Variants in TOM1L2 observed in about 807,000 individuals in gnomAD.
TOM1L2 encodes the protein target of myb1 like 2 membrane trafficking protein.
TOM1L2 carries 31 observed loss-of-function variants against 67.9 expected under a neutral mutation model. The observed-to-expected ratio is 0.46, with a 90% CI of 0.34 to 0.62. TOM1L2 has a LOEUF of 0.62. Among genes scored for constraint, TOM1L2 ranks in the 20% least tolerant of loss-of-function variants. The pLI is 0.01. For missense variants in TOM1L2, 606 were observed against 663.5 expected, an observed-to-expected ratio of 0.91 and a Z score of 0.95; for synonymous variants, 256 against 254.0, an observed-to-expected ratio of 1.01 and a Z score of -0.07.
intron 1 of TOM1L2, among the ~76,000 whole-genome samples, chr17:17,916,218 C>T (rs1008249152): frequency 6.6e-6 from 1 of 152,032 alleles, no homozygotes; most frequent in East Asian, 1.9e-4. Context: ...AGACTACAGG[C>T]GCCCACCACT....
chr17:17,858,130 C>T lies in TOM1L2; in HGVS notation c.1278+3346G>A, dbSNP rs543457575. On this transcript the variant is annotated intron_variant, in intron 12 of 14. Transcript: ENST00000379504. Reference sequence around the variant, plus strand: ...GAGATCACAGAAGGTTGACCAGAGCCGCTTCTCTCAATTACGGCTATCAGG... The same window carrying T: ...GAGATCACAGAAGGTTGACCAGAGCTGCTTCTCTCAATTACGGCTATCAGG... The T allele has an allele frequency of 1.4e-4, 41 of 286,406 alleles. 1 individual carries two copies. The South Asian group carries it at 3.1e-3, about 22-fold the overall frequency. 17.7% of individuals were successfully genotyped at this position (286,406 alleles called of 1,614,324 possible). A position where few individuals can be genotyped will look rare whatever the true frequency, so the allele number is the denominator to read the frequency against.
At chr17:17,875,491 C>T (rs1172748522) in intron 7 of TOM1L2, among the ~76,000 whole-genome samples, 1 of 152,154 alleles carries the variant, frequency 6.6e-6, no homozygotes, top group Non-Finnish European at 1.5e-5. Context: ...GAGCCTACTG[C>T]TTGCTCAGGT....
intron 1 of TOM1L2, among the ~76,000 whole-genome samples, chr17:17,918,457 AAAC>A (rs2144579263): frequency 6.6e-6 from 1 of 152,310 alleles, no homozygotes; most frequent in Admixed American, 6.5e-5. Context: ...TATTTTTACA[AAAC>A]ACAGTCATAC....
At position 17,972,387 on chromosome 17, in the gene TOM1L2, C is replaced by T. The variant is rs1481362880; in HGVS notation, c.-74G>A. 5 of 1,538,882 alleles carry T rather than the reference C, an allele frequency of 3.2e-6. No homozygotes were observed. Among genetic ancestry groups the T allele is most frequent in the Non-Finnish European group, 3.5e-6 (4 of 1,138,740 alleles). Reference sequence around the variant, plus strand: ...GCCTCCGCTGTAACCCGCCGGACTCCCGTCCTGACTGACACTTGCCCCCTC... The same window carrying T: ...GCCTCCGCTGTAACCCGCCGGACTCTCGTCCTGACTGACACTTGCCCCCTC... On this transcript the variant is annotated 5_prime_UTR_variant, in exon 1 of 15. Transcript: ENST00000379504.
At chr17:17,926,334 C>G (rs541496894) in intron 1 of TOM1L2, among the ~76,000 whole-genome samples, 15 of 152,268 alleles carry the variant, frequency 9.9e-5, no homozygotes, top group Middle Eastern at 3.4e-3. Context: ...CCTGCTAACT[C>G]TCCCTTGTCC....
At chr17:17,945,991 C>T (rs1443660133) in intron 1 of TOM1L2, among the ~76,000 whole-genome samples, 1 of 152,122 alleles carries the variant, frequency 6.6e-6, no homozygotes, top group Non-Finnish European at 1.5e-5. Flanking sequence ...ACCTCAGCCT[C>T]ATGAGTAGCT....
chr17:17,888,653 C>T (rs1054096335), intron 4 of TOM1L2, among the ~76,000 whole-genome samples: 9 of 152,300 alleles, frequency 5.9e-5, no homozygotes, highest in African/African-American at 1.9e-4. Context: ...CCCATCCCCA[C>T]CCCAATCAGT....
rs138437093 is a variant in TOM1L2, at chr17:17,866,363, G to A, written c.1017C>T (p.Ala339=). 5.1e-4 allele frequency: 815 copies of A among 1,610,396 alleles called. 3 individuals carry two copies. The highest frequency in any genetic ancestry group is 4.5e-3 in the Middle Eastern group (27 of 6,048). ...TGTTCCCCACCATTGGGCTCACCACGGCTGGAGACCCTGGCCCCAGGTCTA... is the reference window on the plus strand; with the variant it reads ...TGTTCCCCACCATTGGGCTCACCACAGCTGGAGACCCTGGCCCCAGGTCTA... ...NLIDLGPGSP[A]VVSPMVGNTA... The change falls in exon 10 of 15, where the codon GCC becomes GCT. Residue 339 remains alanine, a synonymous_variant. Coordinates refer to ENST00000379504, the MANE Select transcript of TOM1L2 (RefSeq NM_001082968.2).
intron 13 of TOM1L2, 65 bp downstream of exon 13, chr17:17,850,828 C>T (rs1305392677): frequency 6.4e-7 from 1 of 1,570,394 alleles, no homozygotes. Context: ...TCCCCCAAGG[C>T]CTGTCCTCAG....
intron 1 of TOM1L2, among the ~76,000 whole-genome samples, chr17:17,934,770 C>A (rs62072025): frequency 6.6e-6 from 1 of 152,198 alleles, no homozygotes; most frequent in Non-Finnish European, 1.5e-5. Flanking sequence ...AAAGCAAGGG[C>A]ATGACTGTGT....
intron 1 of TOM1L2, among the ~76,000 whole-genome samples, chr17:17,932,073 A>G: frequency 6.6e-6 from 1 of 152,212 alleles, no homozygotes; most frequent in East Asian, 1.9e-4. Context: ...GTGAGTTCTA[A>G]TAACTCACAG....
intron 2 of TOM1L2, among the ~76,000 whole-genome samples, chr17:17,906,131 CATTTT>C (rs2039088823): frequency 6.8e-6 from 1 of 147,232 alleles, no homozygotes; most frequent in African/African-American, 2.5e-5. Flanking sequence ...CTTCTCTTTT[CATTTT>C]TTTTTTTTTT....
intron 13 of TOM1L2, among the ~76,000 whole-genome samples, chr17:17,849,173 G>A (rs544531594): frequency 2.3e-4 from 35 of 152,232 alleles, no homozygotes; most frequent in East Asian, 3.9e-4. Context: ...TGCAGAGGGC[G>A]GGACCCCACC....
At chr17:17,877,286 T>TC (rs965225056) in intron 7 of TOM1L2, among the ~76,000 whole-genome samples, 19 of 152,006 alleles carry the variant, frequency 1.2e-4, no homozygotes, top group Middle Eastern at 3.2e-3. Context: ...CTCTTCCTAT[T>TC]CCCCCCACCT....
At chr17:17,968,433 A>G (rs536572372) in intron 1 of TOM1L2, among the ~76,000 whole-genome samples, 1 of 152,308 alleles carries the variant, frequency 6.6e-6, no homozygotes, top group East Asian at 1.9e-4. Flanking sequence ...TTGGGAGGCC[A>G]AGGAGGGTGG....
chr17:17,903,192 T>A (rs867938687), intron 2 of TOM1L2, among the ~76,000 whole-genome samples: 8 of 151,992 alleles, frequency 5.3e-5, no homozygotes, highest in Non-Finnish European at 8.8e-5. Context: ...CACCCAGCAC[T>A]CGTTATGCAT....
chr17:17,920,066 C>T (rs1457678429), intron 1 of TOM1L2, among the ~76,000 whole-genome samples: 4 of 152,094 alleles, frequency 2.6e-5, no homozygotes, highest in South Asian at 2.1e-4. Flanking sequence ...CCACAATAGA[C>T]GGTCCAGAGT....
At chr17:17,950,851 A>G (rs74488035) in intron 1 of TOM1L2, among the ~76,000 whole-genome samples, 2,045 of 152,276 alleles carry the variant, frequency 0.013, 21 homozygotes, top group African/African-American at 0.041. Context: ...CCCCAGGAGA[A>G]TGGAAACTGC....
intron 2 of TOM1L2, among the ~76,000 whole-genome samples, chr17:17,905,688 G>A (rs988202916): frequency 2.0e-5 from 3 of 152,112 alleles, no homozygotes; most frequent in Admixed American, 6.5e-5. Flanking sequence ...GCAGGTGCAC[G>A]CCACTATGCC....
Sources: allele counts gnomAD v4.1 joint callset (sites outside exome capture counted in the v4.1 genomes callset), GRCh38; gene constraint gnomAD v4.1.1; transcripts MANE v1.5; gene names NCBI Gene and HGNC (gene_info 2026-07-23, HGNC 2026-07-21).